Variants in ABCD3 observed in about 807,000 individuals in gnomAD.
The protein encoded by ABCD3 is ATP-binding cassette sub-family D member 3.
A neutral mutation model predicts 105.5 loss-of-function variants in ABCD3; 41 were observed. That is an observed-to-expected ratio of 0.39 (90% CI 0.30 to 0.50). The LOEUF is 0.50. Ranked by LOEUF, ABCD3 falls within the 20% of genes least tolerant of loss-of-function variation. The probability of loss-of-function intolerance (pLI) is 0.84; values close to 1 mark genes in which losing one functional copy is unlikely to be tolerated. For missense variants in ABCD3, 622 were observed against 806.3 expected (o/e 0.77, Z 2.77); for synonymous variants, 258 against 269.0 (o/e 0.96, Z 0.40).
At chr1:94,474,048 A>T (rs1476108076) in intron 5 of ABCD3, among the ~76,000 whole-genome samples, 1 of 148,570 alleles carries the variant, frequency 6.7e-6, no homozygotes, top group Non-Finnish European at 1.5e-5. Flanking sequence ...TATAATGTGT[A>T]TATATATTCA....
intron 8 of ABCD3, 106 bp downstream of exon 8, chr1:94,478,421 A>C: frequency 1.7e-6 from 2 of 1,148,648 alleles, no homozygotes; most frequent in Non-Finnish European, 2.6e-6. Flanking sequence ...ATCTCAAAGA[A>C]TGTATTTTCA....
In ABCD3 at chr1:94,502,087, A is replaced by G. The variant is rs28562450; in HGVS notation, c.1740+2473A>G. Among the ~76,000 whole-genome samples, 4 of 152,094 alleles carry G rather than the reference A, an allele frequency of 2.6e-5. No individual in the cohort carries two copies. The South Asian group carries it at 8.3e-4, about 32-fold the overall frequency. Reference sequence around the variant, plus strand: ...AATGAACAGTTCATCCCTTCCCCTTAACTTCCTTTCCCACTTTTTGTGTCA... The same window carrying G: ...AATGAACAGTTCATCCCTTCCCCTTGACTTCCTTTCCCACTTTTTGTGTCA... On this transcript the variant is annotated intron_variant, in intron 20 of 22. Coordinates refer to ENST00000370214, the MANE Select transcript of ABCD3 (RefSeq NM_002858.4).
intron 3 of ABCD3, among the ~76,000 whole-genome samples, chr1:94,466,158 T>C (rs184432927): frequency 2.6e-5 from 4 of 152,320 alleles, no homozygotes; most frequent in African/African-American, 9.6e-5. Context: ...GATTTATTTT[T>C]TGGCACCTAT....
rs528888434 is a variant in ABCD3, at chr1:94,517,979, T to C, written c.*850T>C. The C allele has an allele frequency of 1.1e-4, 17 of 152,002 alleles. No homozygotes were observed. Among genetic ancestry groups the C allele is most frequent in the African/African-American group, 3.9e-4 (16 of 41,528 alleles). The allele number at this position is 152,002 out of a possible 1,614,324, so 9.4% of individuals were successfully genotyped here. A position where few individuals can be genotyped will look rare whatever the true frequency, so the allele number is the denominator to read the frequency against. The stretch of plus-strand genomic sequence containing the variant: ...ATTCATTAGAAGTGTGGTGGTTATT[T>C]GGTATTAAACTCCAAATGAGCCATA... On this transcript the variant is annotated 3_prime_UTR_variant, in exon 23 of 23. Transcript: ENST00000370214.
chr1:94,458,792 A>T, intron 2 of ABCD3, 149 bp downstream of exon 2: 1 of 770,076 alleles, frequency 1.3e-6, no homozygotes, highest in Non-Finnish European at 2.1e-6. Context: ...TACTCTCTGA[A>T]ATAGGACTCC....
chr1:94,472,087 T>G (rs1648484501), intron 4 of ABCD3: 1 of 336,510 alleles, frequency 3.0e-6, no homozygotes. Flanking sequence ...TACCAAACTC[T>G]CTTTTATAAA....
At chr1:94,398,455 A>G in the ABCD3 span, among the ~76,000 whole-genome samples, 9 of 152,326 alleles carry the variant, frequency 5.9e-5, no homozygotes, top group African/African-American at 2.2e-4. Flanking sequence ...GATTTTATTC[A>G]GTTCTTTTTG....
At chr1:94,423,446 G>A (rs189796812) in intron 1 of ABCD3, among the ~76,000 whole-genome samples, 2,207 of 152,274 alleles carry the variant, frequency 0.014, 17 homozygotes, top group Non-Finnish European at 0.023. Flanking sequence ...GAATTTCAGG[G>A]AGCTTGTGTT....
chr1:94,489,789 C>T lies in ABCD3; in HGVS notation c.1222C>T (p.Arg408Cys). 1 of 1,613,106 alleles carries T rather than the reference C, an allele frequency of 6.2e-7. No individual in the cohort carries two copies. Among genetic ancestry groups the T allele is most frequent in the Non-Finnish European group, 8.5e-7 (1 of 1,179,406 alleles). ...LKDLNHGKYE[R>C]TMVSQQEKGI... ...GGATTTAAATCATGGCAAATATGAG[C>T]GCACAATGGTCTCACAACAGGAAAA... is the stretch of plus-strand genomic sequence containing the variant. The change falls in exon 14 of 23, where the codon CGC becomes TGC. Residue 408 changes from arginine to cysteine, a missense_variant. Around this residue, in one of 4 missense-constraint regions of ABCD3, gnomAD observed 285 missense variants for 352.5 expected, o/e 0.81. Transcript: ENST00000370214.
chr1:94,473,923 A>G (rs1392263186), intron 5 of ABCD3, 88 bp downstream of exon 5: 1 of 1,015,492 alleles, frequency 9.8e-7, no homozygotes, highest in Non-Finnish European at 1.5e-6. Context: ...AAATTCTTTA[A>G]AGACTTATGA....
intron 4 of ABCD3, among the ~76,000 whole-genome samples, chr1:94,471,149 T>C (rs1442235657): frequency 1.3e-5 from 2 of 152,182 alleles, no homozygotes; most frequent in Admixed American, 6.5e-5. Flanking sequence ...AGTACTCAGT[T>C]TTAAAATTTA....
At chr1:94,496,802 C>T (rs1649833813) in intron 16 of ABCD3, among the ~76,000 whole-genome samples, 1 of 125,410 alleles carries the variant, frequency 8.0e-6, no homozygotes, top group Non-Finnish European at 1.6e-5. Context: ...GAGCCTTGCT[C>T]TGTCGCCCAG....
At chr1:94,452,854 A>G (rs113874094) in intron 1 of ABCD3, among the ~76,000 whole-genome samples, 1 of 152,076 alleles carries the variant, frequency 6.6e-6, no homozygotes, top group African/African-American at 2.4e-5. Flanking sequence ...CTCATGCCTC[A>G]GCCTCCCAAG....
chr1:94,465,452 GT>G (rs1485728133), intron 3 of ABCD3, among the ~76,000 whole-genome samples: 1 of 152,128 alleles, frequency 6.6e-6, no homozygotes, highest in African/African-American at 2.4e-5. Flanking sequence ...TTCAGTGCCA[GT>G]TTTTAAATAG....
the ABCD3 span, among the ~76,000 whole-genome samples, chr1:94,397,728 T>A: frequency 6.6e-6 from 1 of 152,116 alleles, no homozygotes; most frequent in East Asian, 1.9e-4. Flanking sequence ...AGAAACAAGT[T>A]ACTAACTTCA....
intron 4 of ABCD3, among the ~76,000 whole-genome samples, chr1:94,472,650 A>T (rs1648543416): frequency 6.6e-6 from 1 of 152,160 alleles, no homozygotes; most frequent in South Asian, 2.1e-4. Flanking sequence ...AGCTTTGAGA[A>T]GGTCTTTGGT....
At chr1:94,394,777 G>C in the ABCD3 span, among the ~76,000 whole-genome samples, 1 of 152,182 alleles carries the variant, frequency 6.6e-6, no homozygotes, top group South Asian at 2.1e-4. Flanking sequence ...AAAGTGTTGT[G>C]CATTTAATTG....
intron 22 of ABCD3, 100 bp downstream of exon 22, chr1:94,515,302 T>A: frequency 1.0e-6 from 1 of 959,044 alleles, no homozygotes; most frequent in Non-Finnish European, 1.7e-6. Flanking sequence ...TGTATTCCCT[T>A]AAACATATGT....
At chr1:94,422,947 C>T (rs566180915) in intron 1 of ABCD3, among the ~76,000 whole-genome samples, 4 of 152,244 alleles carry the variant, frequency 2.6e-5, no homozygotes, top group East Asian at 3.9e-4. Flanking sequence ...AAATAGAGTT[C>T]GGATTTCTCA....
Sources: allele counts gnomAD v4.1 joint callset (sites outside exome capture counted in the v4.1 genomes callset), GRCh38; gene constraint gnomAD v4.1.1; regional missense constraint gnomAD v4.1.1; transcripts MANE v1.5; gene names NCBI Gene and HGNC (gene_info 2026-07-23, HGNC 2026-07-21).